The following RECQL4 variants were observed in gnomAD, a reference collection of about 807,000 sequenced individuals.
RECQL4 encodes ATP-dependent DNA helicase Q4.
Under a neutral mutation model 128.6 loss-of-function variants are expected in RECQL4, and 158 were observed. The observed-to-expected ratio is 1.23, with a 90% CI of 1.08 to 1.40. The LOEUF (loss-of-function observed/expected upper bound fraction) is 1.40, where lower values mean the gene tolerates loss of function less well. RECQL4 is among the 40% of genes most tolerant of loss of function. RECQL4 has a pLI of 0.00. For synonymous variants in RECQL4, 996 were observed against 678.9 expected (o/e 1.47, Z -7.26); for missense variants, 2,293 against 1,649.8 (o/e 1.39, Z -6.75).
chr8:144,517,392 T>C, intron 3 of RECQL4, 22 bp downstream of exon 3: 1 of 1,550,342 alleles, frequency 6.5e-7, no homozygotes, highest in Non-Finnish European at 8.7e-7. Flanking sequence ...GGGAGGAGGC[T>C]GGGGCGGCGG....
In RECQL4 at chr8:144,513,200, G is replaced by T. The variant is rs41542315; in HGVS notation, c.2463+18C>A. On this transcript the variant is annotated intron_variant, in intron 14 of 20. Coordinates refer to ENST00000617875, the MANE Select transcript of RECQL4 (RefSeq NM_004260.4). Reference sequence around the variant, plus strand: ...TGGGGGCTCGAGCACTGGCAGTGTGGGGGGGGGGGGTGCCAACCTGGGGCT... The same window carrying T: ...TGGGGGCTCGAGCACTGGCAGTGTGTGGGGGGGGGGTGCCAACCTGGGGCT... 747 of 278,496 alleles carry T rather than the reference G, an allele frequency of 2.7e-3. No homozygotes were observed. Among genetic ancestry groups the T allele is most frequent in the Admixed American group, 5.4e-3 (51 of 9,400 alleles). 17.3% of individuals were successfully genotyped at this position (278,496 alleles called of 1,614,324 possible).
At chr8:144,515,659 G>A (rs1207164751) in intron 6 of RECQL4, 105 bp downstream of exon 6, 72 of 1,492,634 alleles carry the variant, frequency 4.8e-5, no homozygotes, top group Non-Finnish European at 5.6e-5. Flanking sequence ...CCTGGACCAG[G>A]GGTACCTGGA....
At chr8:144,515,536 A>T in intron 6 of RECQL4, 79 bp from the exon 7 acceptor site, 1 of 1,590,754 alleles carries the variant, frequency 6.3e-7, no homozygotes, top group Non-Finnish European at 8.6e-7. Flanking sequence ...TCCTTCCCCC[A>T]AAGGGGGTTG....
chr8:144,516,955 C>G (rs891793689), intron 4 of RECQL4, 95 bp downstream of exon 4: 2 of 1,510,436 alleles, frequency 1.3e-6, no homozygotes, highest in African/African-American at 1.4e-5. Context: ...GCACAGGGGC[C>G]CGTGCCTGTC....
intron 9 of RECQL4, 59 bp downstream of exon 9, chr8:144,514,877 G>A (rs1827921667): frequency 2.5e-6 from 4 of 1,586,308 alleles, no homozygotes; most frequent in Admixed American, 3.5e-5. Flanking sequence ...AGTTGCCCTT[G>A]GGAGTCACAA....
Position 144,517,448 on chromosome 8 carries a change from C to A in RECQL4, c.179G>T (p.Arg60Leu), listed in dbSNP as rs1060501374. ...RTTGQAGGGL[R>L]SSESLPAAAE... ...CGCCGCGGGGAGCGACTCGGAGCTG[C>A]GGAGCCCGCCGCCGGCCTGGCCCGT... The change falls in exon 3 of 21, where the codon CGC becomes CTC. Residue 60 changes from arginine (R) to leucine (L), a missense_variant. Coordinates refer to ENST00000617875, the MANE Select transcript of RECQL4 (RefSeq NM_004260.4). The A allele has an allele frequency of 1.3e-6, 2 of 1,592,106 alleles. No homozygotes were observed. Among genetic ancestry groups the A allele is most frequent in the Non-Finnish European group, 1.7e-6 (2 of 1,174,254 alleles).
intron 6 of RECQL4, 146 bp downstream of exon 6, chr8:144,515,618 G>C (rs2130710531): frequency 7.0e-7 from 1 of 1,438,164 alleles, no homozygotes; most frequent in Non-Finnish European, 9.5e-7. Flanking sequence ...CGTCGTCCCT[G>C]CCACCCTCCT....
intron 2 of RECQL4, 41 bp from the exon 3 acceptor site, chr8:144,517,549 G>A (rs1320557296): frequency 1.5e-5 from 23 of 1,524,040 alleles, no homozygotes; most frequent in East Asian, 2.5e-5. Context: ...GTGGGGCCTG[G>A]GCCCCTGCCG....
intron 7 of RECQL4, 40 bp downstream of exon 7, chr8:144,515,286 C>CG: frequency 6.2e-7 from 1 of 1,610,612 alleles, no homozygotes; most frequent in Non-Finnish European, 8.5e-7. Flanking sequence ...GTCACCCCAA[C>CG]CCCTCAGTGA....
Position 144,512,546 on chromosome 8 carries a change from A to G in RECQL4, c.2901T>C (p.Ala967=), listed in dbSNP as rs1827447042. 1 of 1,612,534 alleles carries G rather than the reference A, an allele frequency of 6.2e-7. No homozygotes were observed. Among genetic ancestry groups the G allele is most frequent in the Non-Finnish European group, 8.5e-7 (1 of 1,179,786 alleles). The change falls in exon 17 of 21, where the codon GCT becomes GCC. Residue 967 remains alanine (A), a synonymous_variant. Coordinates refer to ENST00000617875, the MANE Select transcript of RECQL4 (RefSeq NM_004260.4). ...CAGGCAGCTGCTGGGCCAAGCACAC[A>G]GCCAAAGGGGGACACCTGTGCCCAG... ...QALAHRCPPL[A]VCLAQQLPED... is the part of the protein sequence containing the mutation.
rs986482653 is a variant in RECQL4, at chr8:144,511,995, C to T, written c.3309G>A (p.Leu1103=). 1.2e-6 allele frequency: 2 copies of T among 1,610,268 alleles called. No homozygotes were observed. The highest frequency in any genetic ancestry group is 1.7e-4 in the Middle Eastern group (1 of 6,056). The change falls in exon 19 of 21, where the codon CTG becomes CTA. Residue 1103 remains leucine (L), a synonymous_variant. Coordinates refer to ENST00000617875, the MANE Select transcript of RECQL4 (RefSeq NM_004260.4). ...DEERSTRLKD[L]LGRYFEEEEG... ...CCTCTTCCTCAAAGTAGCGGCCGAG[C>T]AGGTCCTTGAGCCTGGTGCTGCGCT...
At position 144,513,774 on chromosome 8, in the gene RECQL4, G is replaced by A. The variant is rs1451707100; in HGVS notation, c.2059-62C>T. The stretch of plus-strand genomic sequence containing the variant: ...AGGAGGGGTCGGCGTGTGCAGTGGG[G>A]AGTGAGGAGGGGTCGGCGTGGGGAG... On this transcript the variant is annotated intron_variant, in intron 12 of 20. Coordinates refer to ENST00000617875, the MANE Select transcript of RECQL4 (RefSeq NM_004260.4). 15 of 1,449,314 alleles carry A rather than the reference G, an allele frequency of 1.0e-5. No homozygotes were observed. In the African/African-American group the frequency reaches 1.8e-4, roughly 17 times the overall value. 89.8% of individuals were successfully genotyped at this position (1,449,314 alleles called of 1,614,324 possible).
rs760858692 is a variant in RECQL4, at chr8:144,513,137, C to G, written c.2465G>C (p.Gly822Ala). 6.4e-7 allele frequency: 1 copy of G among 1,560,794 alleles called. No individual in the cohort carries two copies. The highest frequency in any genetic ancestry group is 1.2e-5 in the South Asian group (1 of 83,130). The change falls in exon 15 of 21, where the codon GGC becomes GCC. Residue 822 changes from glycine (G) to alanine (A), a missense_variant and splice_region_variant. By Grantham distance (60) the Gly-to-Ala change is moderately conservative. Coordinates refer to ENST00000617875, the MANE Select transcript of RECQL4 (RefSeq NM_004260.4). ...AHCHLFLQPQ[G>A]EDLRELRRHV... Reference sequence around the variant, plus strand: ...TCTGCGCAGCTCTCGCAGGTCTTCGCCCTGCAGGGCAACTTTCATGAGGGT... The same window carrying G: ...TCTGCGCAGCTCTCGCAGGTCTTCGGCCTGCAGGGCAACTTTCATGAGGGT...
At position 144,512,766 on chromosome 8, in the gene RECQL4, C is replaced by A. The variant is rs371890521; in HGVS notation, c.2761G>T (p.Glu921Ter). 1 of 1,611,776 alleles carries A rather than the reference C, an allele frequency of 6.2e-7. No homozygotes were observed. Among genetic ancestry groups the A allele is most frequent in the Admixed American group, 1.7e-5 (1 of 59,982 alleles). Residue 921 changes from glutamate to a stop codon, truncating the protein, a stop_gained, in exon 16 of 21, where the codon GAG becomes TAG. Transcript: ENST00000617875. LOFTEE classifies it high-confidence loss of function. ...AGCTCCAGGTAGCACAGCAAAGTCT[C>A]GATGGCTGGGGGCAGAGCAGGGCTC... ...QALDMPEEAIETLLCYLELHP... is the reference protein window; with the variant it reads ...QALDMPEEAI
chr8:144,511,829 T>C (rs777156550), intron 19 of RECQL4, 40 bp from the exon 20 acceptor site: 6 of 1,610,806 alleles, frequency 3.7e-6, no homozygotes, highest in Non-Finnish European at 5.1e-6. Flanking sequence ...TGAGCTCCCG[T>C]GGCACTGCAT....
intron 9 of RECQL4, 145 bp downstream of exon 9, chr8:144,514,791 C>A: frequency 2.8e-6 from 3 of 1,081,564 alleles, no homozygotes; most frequent in Admixed American, 2.2e-5. Context: ...TGCCTTTGAC[C>A]TGCTGCCAAG....
At chr8:144,514,765 G>A (rs866527780) in intron 9 of RECQL4, among the ~76,000 whole-genome samples, 171 bp downstream of exon 9, 3 of 152,342 alleles carry the variant, frequency 2.0e-5, no homozygotes, top group South Asian at 2.1e-4. Context: ...TGGCTGTGGT[G>A]CCTGTGGAGC....
At chr8:144,515,624 C>A in intron 6 of RECQL4, 140 bp downstream of exon 6, 1 of 1,445,240 alleles carries the variant, frequency 6.9e-7, no homozygotes, top group Non-Finnish European at 9.4e-7. Flanking sequence ...CCCTGCCACC[C>A]TCCTTCAGGG....
rs1815236076 is a variant in RECQL4, at chr8:144,517,105, C to T, written c.299G>A (p.Gly100Asp). The change falls in exon 4 of 21, where the codon GGC becomes GAC. Residue 100 changes from glycine to aspartate, a missense_variant. Transcript: ENST00000617875. The part of the protein sequence containing the change: ...PQSTPGRSRQ[G>D]SVPDYGQRLK... ...CCGCTGCCCGTAGTCCGGCACCGAG[C>T]CCTGGCGGCTCCGCCCTGGCGTAGA... 6.2e-7 allele frequency: 1 copy of T among 1,612,418 alleles called. No individual in the cohort carries two copies. The highest frequency in any genetic ancestry group is 8.5e-7 in the Non-Finnish European group (1 of 1,179,742).
Sources: gnomAD v4.1 joint callset for allele counts (sites outside exome capture counted in the v4.1 genomes callset) on GRCh38, gnomAD v4.1.1 for gene constraint, MANE v1.5 for transcripts, NCBI Gene and HGNC (gene_info 2026-07-23, HGNC 2026-07-21) for gene names.